The following QRICH1 variants were observed in gnomAD, a reference collection of about 807,000 sequenced individuals.
The protein encoded by QRICH1 is transcriptional regulator QRICH1.
In QRICH1, 16 loss-of-function variants were observed where a neutral mutation model predicts 87.1. The ratio of observed to expected loss-of-function variants is 0.18; its 90% CI spans 0.12 to 0.28. QRICH1 has a LOEUF of 0.28. Ranked by LOEUF, QRICH1 falls within the 10% of genes least tolerant of loss-of-function variation. QRICH1 has a pLI of 1.00. For missense variants in QRICH1, 647 were observed against 951.7 expected, an observed-to-expected ratio of 0.68 and a Z score of 4.21; for synonymous variants, 367 against 368.4, an observed-to-expected ratio of 1.00 and a Z score of 0.05.
intron 5 of QRICH1, among the ~76,000 whole-genome samples, chr3:49,044,908 C>G (rs939961482): frequency 1.3e-5 from 2 of 151,994 alleles, no homozygotes; most frequent in Non-Finnish European, 2.9e-5. Flanking sequence ...ACTGGGAGAG[C>G]AAAGAATGAA....
chr3:49,052,670 ATTT>A (rs1251593126), intron 3 of QRICH1, among the ~76,000 whole-genome samples: 2 of 151,584 alleles, frequency 1.3e-5, no homozygotes, highest in Non-Finnish European at 2.9e-5. Flanking sequence ...TAATTTTTTT[ATTT>A]TTTTATTTTT....
intron 2 of QRICH1, chr3:49,058,108 C>A: frequency 1.3e-6 from 1 of 759,944 alleles, no homozygotes; most frequent in Non-Finnish European, 2.0e-6. Flanking sequence ...CCCCAGAGAG[C>A]AAGCAAGACA....
intron 2 of QRICH1, among the ~76,000 whole-genome samples, 198 bp downstream of exon 2, chr3:49,076,511 A>C (rs1457228139): frequency 8.1e-6 from 1 of 122,986 alleles, no homozygotes; most frequent in Non-Finnish European, 1.7e-5. Context: ...AGTCCTTGAC[A>C]CTGGGGTTTG....
chr3:49,036,876 A>G (rs1329198037), intron 6 of QRICH1, among the ~76,000 whole-genome samples: 2 of 151,984 alleles, frequency 1.3e-5, no homozygotes, highest in Non-Finnish European at 2.9e-5. Context: ...CAGCCTGGGC[A>G]ACATGGCAAA....
chr3:49,055,348 G>C (rs1284732590), intron 3 of QRICH1, among the ~76,000 whole-genome samples: 1 of 152,022 alleles, frequency 6.6e-6, no homozygotes, highest in Admixed American at 6.6e-5. Context: ...TAAGACCAGA[G>C]GCCCTATATC....
At position 49,046,566 on chromosome 3, in the gene QRICH1, C is replaced by G; in HGVS notation, c.1530G>C (p.Leu510=). ...RLAPIGRRQL[L]RFQEDLISSA... ...AGGAGATGAGATCTTCCTGGAATCG[C>G]AGCAGTTGGCGCCCTGCAACGGAAG... Residue 510 remains leucine, a synonymous_variant, in exon 5 of 10, where the codon CTG becomes CTC. Coordinates refer to ENST00000395443, the MANE Select transcript of QRICH1 (RefSeq NM_198880.3). 1 of 1,613,110 alleles carries G rather than the reference C, an allele frequency of 6.2e-7. No homozygotes were observed. The highest frequency in any genetic ancestry group is 8.5e-7 in the Non-Finnish European group (1 of 1,179,742).
chr3:49,046,385 A>G, intron 5 of QRICH1, 40 bp downstream of exon 5: 1 of 1,577,288 alleles, frequency 6.3e-7, no homozygotes, highest in South Asian at 1.2e-5. Context: ...TCCAATAGGA[A>G]CACAGCTCAA....
chr3:49,093,920 G>A lies in QRICH1; in HGVS notation c.-30C>T. 3.5e-6 allele frequency: 1 copy of A among 286,296 alleles called. No individual in the cohort carries two copies. Among genetic ancestry groups the A allele is most frequent in the Non-Finnish European group, 6.4e-6 (1 of 156,806 alleles). The allele number at this position is 286,296 out of a possible 1,614,324, so 17.7% of individuals were successfully genotyped here. ...CGCACTGGAGCCCTCACCCGGCGAC[G>A]TCACTGCCGCCGCCGCCGCCGCCTC... On this transcript the variant is annotated 5_prime_UTR_variant, in exon 1 of 10. It adds an upstream start codon to the 5' untranslated region. Coordinates refer to ENST00000395443, the MANE Select transcript of QRICH1 (RefSeq NM_198880.3).
intron 3 of QRICH1, among the ~76,000 whole-genome samples, chr3:49,050,422 C>CAAAAAA (rs552220438): frequency 6.8e-5 from 4 of 58,618 alleles, no homozygotes; most frequent in Admixed American, 2.4e-4. Flanking sequence ...GACTCTGTCT[C>CAAAAAA]AAAAAAAAAA....
intron 2 of QRICH1, among the ~76,000 whole-genome samples, chr3:49,067,755 C>A (rs779628939): frequency 6.6e-6 from 1 of 151,930 alleles, no homozygotes; most frequent in Admixed American, 6.6e-5. Context: ...CCAAGGCAGG[C>A]GGATCACGAG....
At chr3:49,070,438 T>C (rs940003626) in intron 2 of QRICH1, among the ~76,000 whole-genome samples, 2 of 152,106 alleles carry the variant, frequency 1.3e-5, no homozygotes, top group African/African-American at 2.4e-5. Context: ...TAAAAATGCT[T>C]TGTTGTTCTG....
At chr3:49,050,248 CAAAAAAA>C (rs527597101) in intron 3 of QRICH1, among the ~76,000 whole-genome samples, 653 of 52,404 alleles carry the variant, frequency 0.012, 19 homozygotes, top group African/African-American at 0.05. Flanking sequence ...GACTCCGTCT[CAAAAAAA>C]AAAAAAAAAA....
At chr3:49,076,642 A>G (rs1051341396) in intron 2 of QRICH1, 67 bp downstream of exon 2, 2 of 1,364,508 alleles carry the variant, frequency 1.5e-6, no homozygotes, top group African/African-American at 2.9e-5. Context: ...TGATGAGCCC[A>G]CTAACTAAAA....
At chr3:49,089,048 ATTTTCTTTTTTTC>A (rs1183749748) in intron 1 of QRICH1, among the ~76,000 whole-genome samples, 4 of 147,924 alleles carry the variant, frequency 2.7e-5, no homozygotes, top group South Asian at 2.1e-4. Flanking sequence ...TCACGGTTCT[ATTTTCTTTTTTTC>A]TTTTCTTTTT....
At chr3:49,059,316 G>A (rs539664879) in intron 2 of QRICH1, among the ~76,000 whole-genome samples, 14 of 151,762 alleles carry the variant, frequency 9.2e-5, no homozygotes, top group South Asian at 2.1e-4. Flanking sequence ...TTAGAGTACC[G>A]TGATAAGATG....
chr3:49,078,891 C>T (rs1483077074), intron 1 of QRICH1, among the ~76,000 whole-genome samples: 1 of 151,702 alleles, frequency 6.6e-6, no homozygotes, highest in Non-Finnish European at 1.5e-5. Flanking sequence ...TGGGTTTTGC[C>T]ATGTTGGCCT....
At chr3:49,071,548 A>G (rs937562990) in intron 2 of QRICH1, among the ~76,000 whole-genome samples, 2 of 152,184 alleles carry the variant, frequency 1.3e-5, no homozygotes. Context: ...GTTTAAGGTC[A>G]GGAGTTCAAG....
At chr3:49,035,296 T>C (rs2093268186) in intron 6 of QRICH1, among the ~76,000 whole-genome samples, 1 of 152,146 alleles carries the variant, frequency 6.6e-6, no homozygotes, top group South Asian at 2.1e-4. Context: ...GGTCTTCAAA[T>C]CTTGGGCTGA....
intron 1 of QRICH1, among the ~76,000 whole-genome samples, chr3:49,088,618 G>GTT (rs1206382284): frequency 3.5e-4 from 33 of 93,152 alleles, no homozygotes; most frequent in East Asian, 1.0e-3. Context: ...GCTTTTGTCT[G>GTT]TTTTTTTTTT....
Sources: gnomAD v4.1 joint callset for allele counts (sites outside exome capture counted in the v4.1 genomes callset) on GRCh38, gnomAD v4.1.1 for gene constraint, MANE v1.5 for transcripts, NCBI Gene and HGNC (gene_info 2026-07-23, HGNC 2026-07-21) for gene names.